The following FBXL7 variants were observed in gnomAD, a reference collection of about 807,000 sequenced individuals.
FBXL7 encodes F-box/LRR-repeat protein 7.
FBXL7 carries 12 observed loss-of-function variants against 38.3 expected under a neutral mutation model. The ratio of observed to expected loss-of-function variants is 0.31; its 90% CI spans 0.20 to 0.51. FBXL7 has a LOEUF of 0.51. Ranked by LOEUF, FBXL7 falls within the 20% of genes least tolerant of loss-of-function variation. The probability of loss-of-function intolerance (pLI) is 0.98; values close to 1 mark genes in which losing one functional copy is unlikely to be tolerated. For missense variants in FBXL7, 567 were observed against 676.4 expected (o/e 0.84, Z 1.79); for synonymous variants, 297 against 300.9 (o/e 0.99, Z 0.13).
At chr5:15,576,290 G>A (rs1478028888) in intron 1 of FBXL7, among the ~76,000 whole-genome samples, 1 of 151,700 alleles carries the variant, frequency 6.6e-6, no homozygotes, top group African/African-American at 2.4e-5. Flanking sequence ...CTCCATGTTG[G>A]TCTGGCTAAT....
At chr5:15,546,173 T>TA (rs1737886536) in intron 1 of FBXL7, among the ~76,000 whole-genome samples, 1 of 152,236 alleles carries the variant, frequency 6.6e-6, no homozygotes, top group African/African-American at 2.4e-5. Flanking sequence ...CTCACGCCTG[T>TA]AATCCCAGCA....
chr5:15,783,009 A>G (rs986154485), intron 2 of FBXL7, among the ~76,000 whole-genome samples: 3 of 152,144 alleles, frequency 2.0e-5, no homozygotes, highest in African/African-American at 7.2e-5. Context: ...CTCCAGCAAC[A>G]CCAACTGGCC....
At chr5:15,753,934 A>G (rs1047789692) in intron 2 of FBXL7, among the ~76,000 whole-genome samples, 3 of 152,238 alleles carry the variant, frequency 2.0e-5, no homozygotes, top group African/African-American at 7.2e-5. Flanking sequence ...TTCACCAGCA[A>G]CTGGGCGTGG....
chr5:15,678,002 G>C (rs1312662853), intron 2 of FBXL7, among the ~76,000 whole-genome samples: 1 of 152,110 alleles, frequency 6.6e-6, no homozygotes, highest in South Asian at 2.1e-4. Context: ...GCAATGTCTT[G>C]ACCAAGAATG....
intron 2 of FBXL7, among the ~76,000 whole-genome samples, chr5:15,713,771 A>G (rs1743954742): frequency 6.6e-6 from 1 of 152,228 alleles, no homozygotes; most frequent in African/African-American, 2.4e-5. Context: ...AGCAGTGCAC[A>G]ATAATGAAAA....
intron 2 of FBXL7, among the ~76,000 whole-genome samples, chr5:15,630,469 G>A (rs1367743320): frequency 6.6e-6 from 1 of 151,310 alleles, no homozygotes; most frequent in East Asian, 1.9e-4. Flanking sequence ...TGTTTAATAT[G>A]TGTGCTCAGA....
At chr5:15,573,811 T>C (rs1465592745) in intron 1 of FBXL7, among the ~76,000 whole-genome samples, 1 of 152,186 alleles carries the variant, frequency 6.6e-6, no homozygotes, top group Non-Finnish European at 1.5e-5. Flanking sequence ...TAATAGTTTA[T>C]CACGAGGTCC....
At chr5:15,789,964 C>T (rs757761604) in intron 2 of FBXL7, among the ~76,000 whole-genome samples, 4 of 152,114 alleles carry the variant, frequency 2.6e-5, no homozygotes, top group Non-Finnish European at 5.9e-5. Context: ...TTGAATTTGC[C>T]CTGATGCTGC....
intron 1 of FBXL7, among the ~76,000 whole-genome samples, chr5:15,575,794 C>G (rs1738940177): frequency 6.6e-6 from 1 of 152,176 alleles, no homozygotes; most frequent in African/African-American, 2.4e-5. Flanking sequence ...ATGGTGTAAT[C>G]TGTAGCTACT....
chr5:15,764,026 G>T (rs1406520554), intron 2 of FBXL7, among the ~76,000 whole-genome samples: 1 of 152,180 alleles, frequency 6.6e-6, no homozygotes, highest in Non-Finnish European at 1.5e-5. Flanking sequence ...AAGCCCCAGA[G>T]CCTGAAGGCT....
At chr5:15,615,229 T>G (rs1740406785) in intron 1 of FBXL7, among the ~76,000 whole-genome samples, 1 of 152,190 alleles carries the variant, frequency 6.6e-6, no homozygotes. Flanking sequence ...AGCCTTGAGC[T>G]AAGATTATTT....
chr5:15,743,511 C>T (rs1205079360), intron 2 of FBXL7, among the ~76,000 whole-genome samples: 1 of 152,244 alleles, frequency 6.6e-6, no homozygotes, highest in Non-Finnish European at 1.5e-5. Context: ...AGCTCTGCCC[C>T]TGTGGCTTTG....
intron 2 of FBXL7, among the ~76,000 whole-genome samples, chr5:15,694,522 A>T (rs1370486528): frequency 6.6e-6 from 1 of 152,182 alleles, no homozygotes; most frequent in Non-Finnish European, 1.5e-5. Context: ...AGATTTTACT[A>T]GAAAGTGTTT....
At chr5:15,767,873 CAGG>C (rs1736629512) in intron 2 of FBXL7, among the ~76,000 whole-genome samples, 1 of 152,046 alleles carries the variant, frequency 6.6e-6, no homozygotes, top group Admixed American at 6.6e-5. Flanking sequence ...GAACCTAAAA[CAGG>C]AGGAATGGGT....
intron 1 of FBXL7, among the ~76,000 whole-genome samples, chr5:15,584,081 A>G (rs1049298841): frequency 2.6e-5 from 4 of 152,080 alleles, no homozygotes; most frequent in Non-Finnish European, 5.9e-5. Context: ...GACCCCTTTT[A>G]ACCGCAGCTG....
At chr5:15,708,705 A>C (rs1235501084) in intron 2 of FBXL7, among the ~76,000 whole-genome samples, 1 of 152,128 alleles carries the variant, frequency 6.6e-6, no homozygotes, top group Non-Finnish European at 1.5e-5. Flanking sequence ...TGAGCCAATA[A>C]TCCAAAGTGC....
chr5:15,720,614 C>T, intron 2 of FBXL7, among the ~76,000 whole-genome samples: 1 of 148,262 alleles, frequency 6.7e-6, no homozygotes, highest in Admixed American at 6.8e-5. Flanking sequence ...CATTTATTAA[C>T]TTGAGCAATA....
chr5:15,783,630 T>C (rs1737057904), intron 2 of FBXL7, among the ~76,000 whole-genome samples: 1 of 152,070 alleles, frequency 6.6e-6, no homozygotes, highest in African/African-American at 2.4e-5. Context: ...CCCCAAGCCC[T>C]GAGGTTCAGG....
chr5:15,829,531 G>A (rs1296569409), intron 2 of FBXL7, among the ~76,000 whole-genome samples: 1 of 152,134 alleles, frequency 6.6e-6, no homozygotes, highest in African/African-American at 2.4e-5. Context: ...GGTTAAAAAT[G>A]AAACAGACTT....
Sources: allele counts gnomAD v4.1 joint callset (sites outside exome capture counted in the v4.1 genomes callset), GRCh38; gene constraint gnomAD v4.1.1; transcripts MANE v1.5; gene names NCBI Gene and HGNC (gene_info 2026-07-23, HGNC 2026-07-21).